The following EBF3 variants were observed in gnomAD, a reference collection of about 807,000 sequenced individuals.
EBF3 encodes the protein transcription factor COE3.
A neutral mutation model predicts 77.1 loss-of-function variants in EBF3; 18 were observed. That is an observed-to-expected ratio of 0.23 (90% CI 0.16 to 0.35). The LOEUF is 0.35. Among genes scored for constraint, EBF3 ranks in the 10% least tolerant of loss-of-function variants. The pLI is 1.00. For missense variants in EBF3, 558 were observed against 860.0 expected (o/e 0.65, Z 4.39); for synonymous variants, 350 against 343.5 (o/e 1.02, Z -0.21).
At chr10:129,958,865 G>T (rs1357005745) in intron 5 of EBF3, 69 bp downstream of exon 5, 9 of 1,507,566 alleles carry the variant, frequency 6.0e-6, no homozygotes, top group Middle Eastern at 1.8e-4. Flanking sequence ...GCCTGGACGC[G>T]GCGTCCTTTG....
chr10:129,927,045 A>G (rs528927058), intron 6 of EBF3, among the ~76,000 whole-genome samples: 13 of 152,370 alleles, frequency 8.5e-5, no homozygotes, highest in African/African-American at 3.1e-4. Context: ...AGAGGAAGTC[A>G]GGCGCATCTT....
intron 6 of EBF3, among the ~76,000 whole-genome samples, chr10:129,898,249 T>C (rs1435367437): frequency 2.6e-5 from 4 of 152,220 alleles, no homozygotes; most frequent in African/African-American, 7.2e-5. Context: ...GTAAAAGTCA[T>C]GGACAAAAGG....
At chr10:129,914,692 C>T (rs555707555) in intron 6 of EBF3, among the ~76,000 whole-genome samples, 2 of 152,216 alleles carry the variant, frequency 1.3e-5, no homozygotes, top group South Asian at 2.1e-4. Flanking sequence ...CGGGGCAGGG[C>T]GGGCCCATGC....
Position 129,944,906 on chromosome 10 carries a change from A to AT in EBF3, c.554+12351dup, listed in dbSNP as rs572324386. 2.5e-3 allele frequency among the ~76,000 whole-genome samples: 380 copies of AT among 151,454 alleles called. No homozygotes were observed. Among genetic ancestry groups the AT allele is most frequent in the African/African-American group, 8.6e-3 (353 of 41,210 alleles). On this transcript the variant is annotated intron_variant, in intron 6 of 16. Transcript: ENST00000440978. This position sits in a 1 kb window ranked among gnomAD's most constrained non-coding sequence, Gnocchi z 5.1. The stretch of plus-strand genomic sequence containing the variant: ...AGGAGAACTGGGCATTTAAAGCTTG[A>AT]TTTTTTAAAAGAAAAACACTGTCTG...
intron 6 of EBF3, among the ~76,000 whole-genome samples, chr10:129,909,634 G>C (rs1233380025): frequency 6.6e-6 from 1 of 152,198 alleles, no homozygotes; most frequent in Admixed American, 6.5e-5. Context: ...AAACATACCT[G>C]GGAAGGTGGC....
intron 10 of EBF3, among the ~76,000 whole-genome samples, chr10:129,859,105 A>T (rs964005265): frequency 2.0e-5 from 3 of 152,170 alleles, no homozygotes; most frequent in Non-Finnish European, 4.4e-5. Flanking sequence ...GAAAACTTTG[A>T]TTTTGCCTTT....
chr10:129,924,805 C>G (rs1047426667), intron 6 of EBF3, among the ~76,000 whole-genome samples: 3 of 152,062 alleles, frequency 2.0e-5, no homozygotes, highest in African/African-American at 4.8e-5. Flanking sequence ...TAGCTGTGAC[C>G]ACAGGCATGT....
rs1014395833 is a variant in EBF3, at chr10:129,848,253, A to G, written c.1128+139T>C. 1 of 896,500 alleles carries G rather than the reference A, an allele frequency of 1.1e-6. No individual in the cohort carries two copies. Among genetic ancestry groups the G allele is most frequent in the Non-Finnish European group, 1.8e-6 (1 of 550,558 alleles). The allele number at this position is 896,500 out of a possible 1,614,324, so 55.5% of individuals were successfully genotyped here. A position where few individuals can be genotyped will look rare whatever the true frequency, so the allele number is the denominator to read the frequency against. On this transcript the variant is annotated intron_variant, in intron 11 of 16. Transcript: ENST00000440978. This position sits in a 1 kb window ranked among gnomAD's most constrained non-coding sequence, Gnocchi z 4.4. The stretch of plus-strand genomic sequence containing the variant: ...CAGGTGCGGGCCCGGGCAGCTCCTC[A>G]CACCTGTCGGCCCTGTGGTGGGCAC...
chr10:129,908,937 A>G (rs1287796963), intron 6 of EBF3, among the ~76,000 whole-genome samples: 1 of 152,228 alleles, frequency 6.6e-6, no homozygotes, highest in African/African-American at 2.4e-5. Context: ...TCTGCTTCTT[A>G]AAGATATACT....
rs1395622055 is a variant in EBF3, at chr10:129,879,901, C to T, written c.555-2052G>A. On this transcript the variant is annotated intron_variant, in intron 6 of 16. Transcript: ENST00000440978. The surrounding 1 kb of genome is among the most constrained non-coding windows in gnomAD (Gnocchi z 4.7). ...CGGGGACAGCAACACGGTGCAATTA[C>T]ACCACACATTACCACCCAGCTAATC... Among the ~76,000 whole-genome samples, 1 of 152,198 alleles carries T rather than the reference C, an allele frequency of 6.6e-6. No homozygotes were observed. The highest frequency in any genetic ancestry group is 2.4e-5 in the African/African-American group (1 of 41,454).
rs528842327 is a variant in EBF3, at chr10:129,864,638, G to A, written c.1039+2503C>T. Among the ~76,000 whole-genome samples, 19 of 152,172 alleles carry A rather than the reference G, an allele frequency of 1.2e-4. No homozygotes were observed. The highest frequency in any genetic ancestry group is 1.9e-4 in the Non-Finnish European group (13 of 68,028). ...TGACAGTCCAGTGTAAGAACAGGGGGCTTATTCATCCATTTTTGTGCAGAG... is the reference window on the plus strand; with the variant it reads ...TGACAGTCCAGTGTAAGAACAGGGGACTTATTCATCCATTTTTGTGCAGAG... On this transcript the variant is annotated intron_variant, in intron 10 of 16. Transcript: ENST00000440978. The surrounding 1 kb of genome is among the most constrained non-coding windows in gnomAD (Gnocchi z 4.4).
chr10:129,950,404 A>T (rs1419822504), intron 6 of EBF3, among the ~76,000 whole-genome samples: 1 of 152,176 alleles, frequency 6.6e-6, no homozygotes, highest in East Asian at 1.9e-4. Context: ...TGTTGTTTTT[A>T]AGGGGAAGGG....
chr10:129,879,247 C>T lies in EBF3; in HGVS notation c.555-1398G>A, dbSNP rs11017000. The stretch of plus-strand genomic sequence containing the variant: ...TTGAAAAGGCCACAACCAAGAGGTC[C>T]CAGAGCTTGGGTCTGTGCTGAAACA... On this transcript the variant is annotated intron_variant, in intron 6 of 16. Coordinates refer to ENST00000440978, the MANE Select transcript of EBF3 (RefSeq NM_001375380.1). The surrounding 1 kb of genome is among the most constrained non-coding windows in gnomAD (Gnocchi z 4.7). Among the ~76,000 whole-genome samples, 930 of 152,248 alleles carry T rather than the reference C, an allele frequency of 6.1e-3. 6 individuals are homozygous for T. The highest frequency in any genetic ancestry group is 0.048 in the East Asian group (250 of 5,190).
intron 6 of EBF3, among the ~76,000 whole-genome samples, chr10:129,914,047 C>T (rs1159332247): frequency 6.6e-6 from 1 of 152,232 alleles, no homozygotes; most frequent in East Asian, 1.9e-4. Context: ...ACAAAACCCA[C>T]TCATGCAATT....
chr10:129,855,117 G>C (rs867899360), intron 10 of EBF3, among the ~76,000 whole-genome samples: 1 of 152,198 alleles, frequency 6.6e-6, no homozygotes, highest in Non-Finnish European at 1.5e-5. Context: ...CCCCCAACCC[G>C]CTCACTGCAG....
chr10:129,869,994 A>C (rs539406133), intron 8 of EBF3, among the ~76,000 whole-genome samples: 12 of 4,044 alleles, frequency 3.0e-3, no homozygotes, highest in Admixed American at 0.029. Flanking sequence ...ATAATTCACA[A>C]AAAAAAAAAA....
At position 129,964,047 on chromosome 10, in the gene EBF3, G is replaced by A. The variant is rs1308883781; in HGVS notation, c.-279C>T. On this transcript the variant is annotated 5_prime_UTR_variant, in exon 1 of 17. Transcript: ENST00000440978. This position sits in a 1 kb window ranked among gnomAD's most constrained non-coding sequence, Gnocchi z 4.5. The stretch of plus-strand genomic sequence containing the variant: ...CGCGGCGGCGCTTGTTGTTGTTGTT[G>A]TTTGCAGGCGCGCTCAACGTGGTGT... The A allele has an allele frequency of 2.0e-6, 2 of 985,238 alleles. No homozygotes were observed. Among genetic ancestry groups the A allele is most frequent in the East Asian group, 1.1e-4 (1 of 8,782 alleles). The allele number at this position is 985,238 out of a possible 1,614,324, so 61.0% of individuals were successfully genotyped here.
At chr10:129,894,294 C>A (rs1854219615) in intron 6 of EBF3, among the ~76,000 whole-genome samples, 1 of 152,124 alleles carries the variant, frequency 6.6e-6, no homozygotes, top group Non-Finnish European at 1.5e-5. Context: ...TTTAATAATG[C>A]CTTTCAAAAT....
chr10:129,941,996 C>T (rs1005923418), intron 6 of EBF3, among the ~76,000 whole-genome samples: 16 of 151,960 alleles, frequency 1.1e-4, no homozygotes, highest in African/African-American at 3.6e-4. Flanking sequence ...GGAATGGAGC[C>T]CCCCCACCCC....
Sources: gnomAD v4.1 joint callset for allele counts (sites outside exome capture counted in the v4.1 genomes callset) on GRCh38, gnomAD v4.1.1 for gene constraint, Gnocchi (gnomAD v3.1) non-coding constraint, MANE v1.5 for transcripts, NCBI Gene and HGNC (gene_info 2026-07-23, HGNC 2026-07-21) for gene names.